GRIA1: variants seen among roughly 807,000 people sequenced by gnomAD.
GRIA1 encodes the protein glutamate receptor 1.
GRIA1 carries 31 observed loss-of-function variants against 99.2 expected under a neutral mutation model. That is an observed-to-expected ratio of 0.31 (90% CI 0.23 to 0.42). GRIA1 has a LOEUF of 0.42. Among genes scored for constraint, GRIA1 ranks in the 10% least tolerant of loss-of-function variants. GRIA1 has a pLI of 1.00. For missense variants in GRIA1, 782 were observed against 1,157.5 expected, an observed-to-expected ratio of 0.68 and a Z score of 4.71; for synonymous variants, 438 against 432.4, an observed-to-expected ratio of 1.01 and a Z score of -0.16.
chr5:153,602,182 A>G (rs1450790663), intron 2 of GRIA1, among the ~76,000 whole-genome samples: 2 of 152,228 alleles, frequency 1.3e-5, no homozygotes, highest in African/African-American at 4.8e-5. Context: ...CATATACACC[A>G]TGGAATACTA....
At chr5:153,653,517 T>C (rs1754721609) in intron 4 of GRIA1, among the ~76,000 whole-genome samples, 1 of 152,230 alleles carries the variant, frequency 6.6e-6, no homozygotes, top group Non-Finnish European at 1.5e-5. Context: ...AATATAATAC[T>C]TTATCAATAT....
intron 4 of GRIA1, among the ~76,000 whole-genome samples, chr5:153,655,459 C>G (rs556539142): frequency 4.6e-5 from 7 of 152,124 alleles, no homozygotes; most frequent in Non-Finnish European, 1.0e-4. Context: ...TCTCCACATA[C>G]AAGGAAGGTT....
At chr5:153,769,544 G>A (rs773719874) in intron 12 of GRIA1, among the ~76,000 whole-genome samples, 12 of 152,068 alleles carry the variant, frequency 7.9e-5, no homozygotes, top group Non-Finnish European at 1.8e-4. Context: ...AATACGGAAG[G>A]CAGGTGGGCC....
chr5:153,738,037 G>C (rs1257824471), intron 11 of GRIA1, among the ~76,000 whole-genome samples: 4 of 152,190 alleles, frequency 2.6e-5, no homozygotes, highest in Non-Finnish European at 5.9e-5. Flanking sequence ...CTGGGGCTGA[G>C]GGACAGGAGC....
intron 2 of GRIA1, among the ~76,000 whole-genome samples, chr5:153,634,348 A>T (rs1753198115): frequency 6.7e-6 from 1 of 149,934 alleles, no homozygotes; most frequent in Non-Finnish European, 1.5e-5. Flanking sequence ...AAAGAGTAGG[A>T]TGAGTATTTT....
At chr5:153,530,144 A>G (rs1390918256) in intron 2 of GRIA1, among the ~76,000 whole-genome samples, 2 of 152,202 alleles carry the variant, frequency 1.3e-5, no homozygotes, top group Non-Finnish European at 2.9e-5. Context: ...AAGTTCTGGT[A>G]GGTAGTTACT....
At chr5:153,639,501 G>A (rs1753636476) in intron 2 of GRIA1, among the ~76,000 whole-genome samples, 1 of 152,160 alleles carries the variant, frequency 6.6e-6, no homozygotes, top group African/African-American at 2.4e-5. Context: ...TAGCCTGGCT[G>A]GCTCCTTCTT....
At chr5:153,621,415 A>C (rs1272315139) in intron 2 of GRIA1, among the ~76,000 whole-genome samples, 2 of 151,988 alleles carry the variant, frequency 1.3e-5, no homozygotes, top group Non-Finnish European at 2.9e-5. Flanking sequence ...CAGCCTGAGC[A>C]ACACAGTGAG....
chr5:153,529,971 T>G (rs1757945097), intron 2 of GRIA1, among the ~76,000 whole-genome samples: 1 of 152,172 alleles, frequency 6.6e-6, no homozygotes, highest in Non-Finnish European at 1.5e-5. Flanking sequence ...TCTGATCTGC[T>G]TCTGTGGTGG....
At chr5:153,644,366 C>G (rs1753983274) in intron 2 of GRIA1, among the ~76,000 whole-genome samples, 1 of 152,132 alleles carries the variant, frequency 6.6e-6, no homozygotes, top group Non-Finnish European at 1.5e-5. Flanking sequence ...CCTTAGAAGA[C>G]AGCAACCCAG....
intron 5 of GRIA1, among the ~76,000 whole-genome samples, chr5:153,668,169 G>A (rs956240557): frequency 2.0e-5 from 3 of 151,856 alleles, no homozygotes; most frequent in Admixed American, 2.0e-4. Context: ...TGGATATAGA[G>A]AGGAGACAGA....
chr5:153,562,463 C>T (rs1360535773), intron 2 of GRIA1, among the ~76,000 whole-genome samples: 1 of 152,170 alleles, frequency 6.6e-6, no homozygotes, highest in Non-Finnish European at 1.5e-5. Flanking sequence ...CAAGACTTAA[C>T]AGGTCTTGCA....
chr5:153,587,693 A>C (rs768114396), intron 2 of GRIA1, among the ~76,000 whole-genome samples: 2 of 151,890 alleles, frequency 1.3e-5, no homozygotes, highest in African/African-American at 2.4e-5. Flanking sequence ...CTATTCATCC[A>C]CTCATTCATT....
At chr5:153,758,347 A>T (rs1484039049) in intron 11 of GRIA1, among the ~76,000 whole-genome samples, 1 of 152,050 alleles carries the variant, frequency 6.6e-6, no homozygotes, top group Non-Finnish European at 1.5e-5. Context: ...AGTCTGAAAG[A>T]AAAAGGAGGG....
chr5:153,626,527 C>T (rs1223916437), intron 2 of GRIA1, among the ~76,000 whole-genome samples: 3 of 151,244 alleles, frequency 2.0e-5, no homozygotes, highest in African/African-American at 4.9e-5. Flanking sequence ...GCACAATTCT[C>T]ATCAGCATTT....
chr5:153,574,351 T>G (rs754606331), intron 2 of GRIA1: 1 of 152,164 alleles, frequency 6.6e-6, no homozygotes, highest in Non-Finnish European at 1.5e-5. Flanking sequence ...TTTTGAAGTG[T>G]TCAGTGGCTG....
intron 11 of GRIA1, among the ~76,000 whole-genome samples, chr5:153,709,679 T>C (rs944935838): frequency 1.1e-4 from 17 of 152,212 alleles, no homozygotes. Flanking sequence ...CCAAATATTG[T>C]GTCCATGTTC....
intron 2 of GRIA1, among the ~76,000 whole-genome samples, chr5:153,541,053 T>C (rs1759041888): frequency 6.6e-6 from 1 of 152,166 alleles, no homozygotes; most frequent in Admixed American, 6.5e-5. Flanking sequence ...CTAACTGCAA[T>C]ACATTTTTTC....
intron 2 of GRIA1, among the ~76,000 whole-genome samples, chr5:153,564,188 C>T (rs1274087840): frequency 6.6e-6 from 1 of 152,122 alleles, no homozygotes; most frequent in African/African-American, 2.4e-5. Flanking sequence ...AGAGATTGCC[C>T]TATAAACTGT....
Sources: allele counts gnomAD v4.1 joint callset (sites outside exome capture counted in the v4.1 genomes callset), GRCh38; gene constraint gnomAD v4.1.1; transcripts MANE v1.5; gene names NCBI Gene and HGNC (gene_info 2026-07-23, HGNC 2026-07-21).